The following SH3RF1 variants were observed in gnomAD, a reference collection of about 807,000 sequenced individuals.
SH3RF1 encodes SH3 domain containing ring finger 1.
Under a neutral mutation model 74.0 loss-of-function variants are expected in SH3RF1, and 32 were observed. The ratio of observed to expected loss-of-function variants is 0.43; its 90% CI spans 0.33 to 0.58. The LOEUF (loss-of-function observed/expected upper bound fraction) is 0.58, where lower values mean the gene tolerates loss of function less well. SH3RF1 is among the 20% of genes least tolerant of loss of function. The pLI, the probability that SH3RF1 is intolerant of heterozygous loss-of-function variation, is 0.05. For missense variants in SH3RF1, 954 were observed against 1,130.9 expected (o/e 0.84, Z 2.24); for synonymous variants, 396 against 439.6 (o/e 0.90, Z 1.24).
At chr4:169,211,192 C>T (rs564367856) in intron 2 of SH3RF1, among the ~76,000 whole-genome samples, 21 of 152,060 alleles carry the variant, frequency 1.4e-4, no homozygotes, top group African/African-American at 4.3e-4. Flanking sequence ...AGAAACTAGC[C>T]GGGCACGGTG....
intron 2 of SH3RF1, among the ~76,000 whole-genome samples, chr4:169,265,066 C>G (rs1414301771): frequency 6.6e-6 from 1 of 152,204 alleles, no homozygotes; most frequent in African/African-American, 2.4e-5. Flanking sequence ...CTTCTATCCT[C>G]TCCCCTAGCT....
At chr4:169,147,578 T>C (rs1283942604) in intron 4 of SH3RF1, among the ~76,000 whole-genome samples, 2 of 152,220 alleles carry the variant, frequency 1.3e-5, no homozygotes, top group African/African-American at 4.8e-5. Flanking sequence ...TTGTTTGAGA[T>C]CTTCCTTCCT....
intron 2 of SH3RF1, among the ~76,000 whole-genome samples, chr4:169,204,991 C>T (rs1730224750): frequency 6.6e-6 from 1 of 152,104 alleles, no homozygotes; most frequent in African/African-American, 2.4e-5. Flanking sequence ...CTGGGTCAAT[C>T]AGTCATTAGT....
At chr4:169,181,654 T>TA (rs535140269) in intron 2 of SH3RF1, among the ~76,000 whole-genome samples, 10 of 152,276 alleles carry the variant, frequency 6.6e-5, no homozygotes, top group African/African-American at 1.7e-4. Flanking sequence ...CCTGAGTGTG[T>TA]AAAAATCCTC....
In SH3RF1 at chr4:169,095,691, A is replaced by G. The variant is rs188224101; in HGVS notation, c.*828T>C. 9 of 152,756 alleles carry G rather than the reference A, an allele frequency of 5.9e-5. No homozygotes were observed. In the East Asian group the frequency reaches 1.7e-3, roughly 29 times the overall value. 9.5% of individuals were successfully genotyped at this position (152,756 alleles called of 1,614,324 possible). A position where few individuals can be genotyped will look rare whatever the true frequency, so the allele number is the denominator to read the frequency against. ...CTTCAATTTCCCCTACTTTCCAACC[A>G]AACAATTGAGCTGCTTCTGCTATAA... On this transcript the variant is annotated 3_prime_UTR_variant, in exon 12 of 12. Transcript: ENST00000284637.
intron 6 of SH3RF1, among the ~76,000 whole-genome samples, chr4:169,123,013 G>T (rs1434619554): frequency 6.6e-6 from 1 of 152,112 alleles, no homozygotes; most frequent in East Asian, 1.9e-4. Context: ...ATTCTTTAGG[G>T]TCTGTATACT....
chr4:169,107,220 T>A lies in SH3RF1; in HGVS notation c.2140-15A>T, dbSNP rs754776973. ...TTTTTTTCTTTCTGGAAAAAAAAAA[T>A]AATGAGCCTTAGTTGGAGAATGACA... On this transcript the variant is annotated splice_polypyrimidine_tract_variant and intron_variant, in intron 10 of 11. Coordinates refer to ENST00000284637, the MANE Select transcript of SH3RF1 (RefSeq NM_020870.4). 11 of 1,508,786 alleles carry A rather than the reference T, an allele frequency of 7.3e-6. No homozygotes were observed. Among genetic ancestry groups the A allele is most frequent in the East Asian group, 2.3e-5 (1 of 43,858 alleles). The allele number at this position is 1,508,786 out of a possible 1,614,324, so 93.5% of individuals were successfully genotyped here.
chr4:169,182,534 T>G (rs1248593783), intron 2 of SH3RF1, among the ~76,000 whole-genome samples: 1 of 152,218 alleles, frequency 6.6e-6, no homozygotes, highest in Non-Finnish European at 1.5e-5. Context: ...TAAACCAACT[T>G]CTACAGACTA....
At position 169,094,746 on chromosome 4, in the gene SH3RF1, AAT is replaced by A. The variant is rs1491473190; in HGVS notation, c.*1771_*1772del. 1 of 151,086 alleles carries A rather than the reference AAT, an allele frequency of 6.6e-6. No individual in the cohort carries two copies. Among genetic ancestry groups the A allele is most frequent in the Non-Finnish European group, 1.5e-5 (1 of 67,772 alleles). The allele number at this position is 151,086 out of a possible 1,614,324, so 9.4% of individuals were successfully genotyped here. A position where few individuals can be genotyped will look rare whatever the true frequency, so the allele number is the denominator to read the frequency against. On this transcript the variant is annotated 3_prime_UTR_variant, in exon 12 of 12. Transcript: ENST00000284637. ...ATCCAAGTAAAGTATTTTTTTTTTA[AAT>A]TCAACACACAGGAACATAATATACA... is the stretch of plus-strand genomic sequence containing the variant.
chr4:169,149,311 G>C (rs1733940943), intron 4 of SH3RF1, among the ~76,000 whole-genome samples: 1 of 152,156 alleles, frequency 6.6e-6, no homozygotes, highest in African/African-American at 2.4e-5. Context: ...GCTCAGAGGA[G>C]ACCTGCTTTT....
intron 11 of SH3RF1, among the ~76,000 whole-genome samples, chr4:169,101,000 T>C (rs1414354232): frequency 2.6e-5 from 4 of 152,316 alleles, no homozygotes; most frequent in East Asian, 3.9e-4. Flanking sequence ...TCCAGCCCCA[T>C]GGCTGGAGGC....
intron 4 of SH3RF1, among the ~76,000 whole-genome samples, chr4:169,139,140 A>T (rs753461088): frequency 6.6e-6 from 1 of 152,190 alleles, no homozygotes; most frequent in Non-Finnish European, 1.5e-5. Flanking sequence ...ATGAGGTCTC[A>T]TTATGATATC....
intron 2 of SH3RF1, among the ~76,000 whole-genome samples, chr4:169,244,828 T>C (rs10518041): frequency 0.39 from 58,931 of 152,070 alleles, 13,469 homozygotes; most frequent in East Asian, 0.71. Flanking sequence ...TAGATTGTAC[T>C]ATTATTTAAC....
At chr4:169,174,010 T>TAC (rs1373760401) in intron 2 of SH3RF1, among the ~76,000 whole-genome samples, 1 of 151,330 alleles carries the variant, frequency 6.6e-6, no homozygotes. Flanking sequence ...TATATATATA[T>TAC]ATATATGGTG....
chr4:169,228,759 A>G (rs1197278875), intron 2 of SH3RF1, among the ~76,000 whole-genome samples: 1 of 152,186 alleles, frequency 6.6e-6, no homozygotes, highest in Non-Finnish European at 1.5e-5. Context: ...ATCCATCAGT[A>G]CACTTTCTAT....
At chr4:169,258,672 GAAAT>G (rs764396543) in intron 2 of SH3RF1, among the ~76,000 whole-genome samples, 7 of 152,130 alleles carry the variant, frequency 4.6e-5, no homozygotes, top group Non-Finnish European at 1.0e-4. Context: ...GAAAAAAACT[GAAAT>G]AATAGAGATT....
intron 1 of SH3RF1, among the ~76,000 whole-genome samples, chr4:169,270,391 C>T (rs1224222498): frequency 2.0e-5 from 3 of 152,158 alleles, no homozygotes; most frequent in African/African-American, 7.2e-5. Context: ...GCGTGGGGAT[C>T]TCACCCTACA....
chr4:169,270,591 C>A (rs1442576608), intron 1 of SH3RF1, among the ~76,000 whole-genome samples: 2 of 152,230 alleles, frequency 1.3e-5, no homozygotes, highest in African/African-American at 2.4e-5. Flanking sequence ...AGAGAGACCG[C>A]GCCATCCGGG....
chr4:169,242,928 T>C (rs1486177922), intron 2 of SH3RF1, among the ~76,000 whole-genome samples: 1 of 152,174 alleles, frequency 6.6e-6, no homozygotes, highest in African/African-American at 2.4e-5. Context: ...GCAGCACAAA[T>C]GGACCAAGAC....
Sources: allele counts gnomAD v4.1 joint callset (sites outside exome capture counted in the v4.1 genomes callset), GRCh38; gene constraint gnomAD v4.1.1; transcripts MANE v1.5; gene names NCBI Gene and HGNC (gene_info 2026-07-23, HGNC 2026-07-21).